The following EIF5A variants were observed in gnomAD, a reference collection of about 807,000 sequenced individuals.
The protein encoded by EIF5A is eukaryotic translation initiation factor 5A.
A neutral mutation model predicts 16.6 loss-of-function variants in EIF5A; 1 was observed. The observed-to-expected ratio is 0.06, with a 90% CI of 0.02 to 0.28. The LOEUF (loss-of-function observed/expected upper bound fraction) is 0.28, where lower values mean the gene tolerates loss of function less well. EIF5A is among the 10% of genes least tolerant of loss of function. The pLI, the probability that EIF5A is intolerant of heterozygous loss-of-function variation, is 1.00. For missense variants in EIF5A, 29 were observed against 196.1 expected (o/e 0.15, Z 5.09); for synonymous variants, 80 against 73.6 (o/e 1.09, Z -0.44).
intron 1 of EIF5A, chr17:7,308,069 G>A (rs1678536912): frequency 1.0e-6 from 1 of 988,392 alleles, no homozygotes; most frequent in Admixed American, 6.2e-5. Flanking sequence ...ACCGGGGCAA[G>A]GGTACCTGGG....
At chr17:7,311,182 G>A (rs2072815094) in intron 3 of EIF5A, 60 bp downstream of exon 3, 3 of 1,594,340 alleles carry the variant, frequency 1.9e-6, no homozygotes, top group Non-Finnish European at 1.7e-6. Context: ...AGGGGTTGGG[G>A]GATAGGGACT....
At chr17:7,310,011 A>C in intron 2 of EIF5A, 1 of 1,520,640 alleles carries the variant, frequency 6.6e-7, no homozygotes, top group Non-Finnish European at 8.8e-7. Context: ...CTGTCCCCGC[A>C]TCATTCTCTG....
intron 3 of EIF5A, 103 bp from the exon 4 acceptor site, chr17:7,311,247 G>A: frequency 6.3e-7 from 1 of 1,588,946 alleles, no homozygotes; most frequent in South Asian, 1.1e-5. Context: ...GAGGGTGTTT[G>A]GTATTAGTTT....
chr17:7,310,671 T>A, intron 2 of EIF5A: 4 of 985,394 alleles, frequency 4.1e-6, no homozygotes, highest in Non-Finnish European at 4.8e-6. Context: ...GTTTCTCAGC[T>A]CCTTCTCCTG....
chr17:7,309,515 G>T, intron 1 of EIF5A, 100 bp from the exon 2 acceptor site: 1 of 1,487,360 alleles, frequency 6.7e-7, no homozygotes. Context: ...GTGGGTAATG[G>T]AATAAAGAGT....
At chr17:7,308,928 G>GA (rs1384487708) in intron 1 of EIF5A, among the ~76,000 whole-genome samples, 1 of 152,210 alleles carries the variant, frequency 6.6e-6, no homozygotes, top group Admixed American at 6.5e-5. Flanking sequence ...TGCATCCTGG[G>GA]AAAAGTGGGA....
upstream of EIF5A, chr17:7,307,397 A>C (rs982053393): frequency 1.7e-5 from 20 of 1,174,946 alleles, no homozygotes; most frequent in Admixed American, 2.8e-4. Flanking sequence ...GGTTGAAGAG[A>C]TTAAAAAACC....
At chr17:7,307,340 A>C, upstream of EIF5A, 3 of 1,227,954 alleles carry the variant, frequency 2.4e-6, no homozygotes, top group East Asian at 6.0e-5. Context: ...CGCAGGCGCA[A>C]GGACTGCCCG....
chr17:7,308,284 C>G (rs2072693496), intron 1 of EIF5A: 13 of 1,104,892 alleles, frequency 1.2e-5, no homozygotes, highest in Non-Finnish European at 7.8e-6. Context: ...GGCCGCATGG[C>G]CAAGCGTGGA....
intron 1 of EIF5A, chr17:7,308,586 C>T (rs761753703): frequency 1.5e-6 from 2 of 1,333,870 alleles, no homozygotes; most frequent in Admixed American, 2.0e-5. Flanking sequence ...GTAAGTGGCA[C>T]CCCTTCGAGC....
At chr17:7,309,873 C>G (rs764326222) in intron 2 of EIF5A, 73 bp downstream of exon 2, 12 of 1,613,922 alleles carry the variant, frequency 7.4e-6, no homozygotes, top group Admixed American at 1.7e-5. Flanking sequence ...AGCAAGCTGC[C>G]AACAGTGCTG....
In EIF5A at chr17:7,311,965, C is replaced by G. The variant is rs2072842991; in HGVS notation, c.*155C>G. 1 of 440,790 alleles carries G rather than the reference C, an allele frequency of 2.3e-6. No homozygotes were observed. Among genetic ancestry groups the G allele is most frequent in the African/African-American group, 2.0e-5 (1 of 50,064 alleles). The allele number at this position is 440,790 out of a possible 1,614,324, so 27.3% of individuals were successfully genotyped here. On this transcript the variant is annotated 3_prime_UTR_variant, in exon 6 of 6. Coordinates refer to ENST00000336458, the MANE Select transcript of EIF5A (RefSeq NM_001970.5). The stretch of plus-strand genomic sequence containing the variant: ...TTTTGGTTTTCCCCACCCCCTCAAT[C>G]TGTCGGGGAGCCCCTGCCCTTCACC...
rs111890527 is a variant in EIF5A, at chr17:7,310,304, C to T, written c.165+504C>T. On this transcript the variant is annotated intron_variant, in intron 2 of 5. Transcript: ENST00000336458. Reference sequence around the variant, plus strand: ...GAACTCTGACGCAGGATCAAACTGCCCCTACCTGCCCCATCCCACTCTCCT... The same window carrying T: ...GAACTCTGACGCAGGATCAAACTGCTCCTACCTGCCCCATCCCACTCTCCT... The T allele has an allele frequency of 1.1e-4, 145 of 1,280,648 alleles. 1 individual carries two copies. In the African/African-American group the frequency reaches 1.8e-3, roughly 16 times the overall value. 79.3% of individuals were successfully genotyped at this position (1,280,648 alleles called of 1,614,324 possible).
intron 1 of EIF5A, 83 bp downstream of exon 1, chr17:7,307,835 G>A (rs924082330): frequency 2.8e-6 from 2 of 708,394 alleles, no homozygotes; most frequent in South Asian, 6.0e-5. Flanking sequence ...CGGGGAGGGG[G>A]CAGAGGGGAG....
chr17:7,307,257 G>C, upstream of EIF5A: 1 of 1,210,708 alleles, frequency 8.3e-7, no homozygotes, highest in Non-Finnish European at 1.1e-6. Flanking sequence ...GGTTGTTTAG[G>C]ATTCCGAACA....
intron 1 of EIF5A, 145 bp from the exon 2 acceptor site, chr17:7,309,470 G>A: frequency 1.9e-6 from 2 of 1,058,824 alleles, no homozygotes; most frequent in South Asian, 1.5e-5. Context: ...AGCCCAGTCA[G>A]TATTTTAAGT....
Position 7,311,660 on chromosome 17 carries a change from G to A in EIF5A, c.*11+9G>A, listed in dbSNP as rs1418194778. On this transcript the variant is annotated intron_variant, in intron 5 of 5. Coordinates refer to ENST00000336458, the MANE Select transcript of EIF5A (RefSeq NM_001970.5). Reference sequence around the variant, plus strand: ...AAATAACTGGCTCCCAGGTGAGTGTGACAAATCCCTCACTGTCCCCTTCAC... The same window carrying A: ...AAATAACTGGCTCCCAGGTGAGTGTAACAAATCCCTCACTGTCCCCTTCAC... The A allele has an allele frequency of 6.8e-6, 11 of 1,613,892 alleles. No individual in the cohort carries two copies. The highest frequency in any genetic ancestry group is 8.5e-6 in the Non-Finnish European group (10 of 1,180,014).
rs981904428 is a variant in EIF5A at position 7,307,643 on chromosome 17, TGCA to T, written c.-125_-123del. On this transcript the variant is annotated 5_prime_UTR_variant, in exon 1 of 6. Coordinates refer to ENST00000336458, the MANE Select transcript of EIF5A (RefSeq NM_001970.5). ...CGGCGCCTGCGTACTAAGACCCGTGTGCAGCAGCGGCGGCGGCGGTAGAGGCGG... is the reference window on the plus strand; with the variant it reads ...CGGCGCCTGCGTACTAAGACCCGTGTGCAGCGGCGGCGGCGGTAGAGGCGG... The T allele has an allele frequency of 8.6e-6, 9 of 1,049,402 alleles. No individual in the cohort carries two copies. Among genetic ancestry groups the T allele is most frequent in the Admixed American group, 5.9e-5 (1 of 16,956 alleles). The allele number at this position is 1,049,402 out of a possible 1,614,324, so 65.0% of individuals were successfully genotyped here.
At chr17:7,308,486 G>GC (rs1182136189) in intron 1 of EIF5A, 2 of 1,349,906 alleles carry the variant, frequency 1.5e-6, no homozygotes, top group Non-Finnish European at 2.0e-6. Flanking sequence ...CGGAGGGCCT[G>GC]CTGCAGGCAT....
Sources: allele counts gnomAD v4.1 joint callset (sites outside exome capture counted in the v4.1 genomes callset), GRCh38; gene constraint gnomAD v4.1.1; transcripts MANE v1.5; gene names NCBI Gene and HGNC (gene_info 2026-07-23, HGNC 2026-07-21).